The following SLC5A8 variants were observed in gnomAD, a reference collection of about 807,000 sequenced individuals.
SLC5A8 encodes the protein solute carrier family 5 member 8.
In SLC5A8, 55 loss-of-function variants were observed where a neutral mutation model predicts 71.9. The observed-to-expected ratio is 0.77, with a 90% CI of 0.62 to 0.96. The LOEUF (loss-of-function observed/expected upper bound fraction) is 0.96. SLC5A8 is among the 40% of genes least tolerant of loss of function. The pLI, the probability that SLC5A8 is intolerant of heterozygous loss-of-function variation, is 0.00. For missense variants in SLC5A8, 701 were observed against 745.3 expected, an observed-to-expected ratio of 0.94 and a Z score of 0.69; for synonymous variants, 307 against 276.1, an observed-to-expected ratio of 1.11 and a Z score of -1.11.
intron 10 of SLC5A8, among the ~76,000 whole-genome samples, chr12:101,174,042 A>C (rs1369559980): frequency 7.2e-5 from 11 of 152,218 alleles, no homozygotes; most frequent in Non-Finnish European, 1.6e-4. Flanking sequence ...AGTATGTAGA[A>C]GGCAGCAACA....
intron 9 of SLC5A8, among the ~76,000 whole-genome samples, chr12:101,181,874 T>C (rs2671434): frequency 0.95 from 145,309 of 152,296 alleles, 69,383 homozygotes; most frequent in East Asian, 1. Flanking sequence ...AGGACTCATT[T>C]CAGGCTACAG....
chr12:101,171,725 A>G (rs933138566), intron 10 of SLC5A8, among the ~76,000 whole-genome samples: 1 of 152,204 alleles, frequency 6.6e-6, no homozygotes, highest in African/African-American at 2.4e-5. Flanking sequence ...GTGGCAGGCC[A>G]ATGAAGGCAT....
At chr12:101,200,054 AGG>A (rs1349458292) in intron 3 of SLC5A8, among the ~76,000 whole-genome samples, 31 of 69,250 alleles carry the variant, frequency 4.5e-4, no homozygotes, top group East Asian at 1.0e-3. Flanking sequence ...AAAAAAAAAA[AGG>A]GAATGAACTA....
intron 8 of SLC5A8, among the ~76,000 whole-genome samples, chr12:101,183,313 G>A (rs2137146319): frequency 6.6e-6 from 1 of 152,168 alleles, no homozygotes. Flanking sequence ...CCAAAGTGCT[G>A]GGATTACAGG....
chr12:101,155,893 A>G lies in SLC5A8; in HGVS notation c.*1386T>C, dbSNP rs1038172661. 4 of 151,884 alleles carry G rather than the reference A, an allele frequency of 2.6e-5. No homozygotes were observed. The highest frequency in any genetic ancestry group is 9.7e-5 in the African/African-American group (4 of 41,360). 9.4% of individuals were successfully genotyped at this position (151,884 alleles called of 1,614,324 possible). A position where few individuals can be genotyped will look rare whatever the true frequency, so the allele number is the denominator to read the frequency against. ...AAATAACACGTATCAGAAAATAAGCATAAAATTATTTAATCATAAAAACAT... is the reference window on the plus strand; with the variant it reads ...AAATAACACGTATCAGAAAATAAGCGTAAAATTATTTAATCATAAAAACAT... On this transcript the variant is annotated 3_prime_UTR_variant, in exon 15 of 15. Transcript: ENST00000536262.
intron 1 of SLC5A8, among the ~76,000 whole-genome samples, chr12:101,205,563 G>C (rs926629464): frequency 6.6e-6 from 1 of 152,184 alleles, no homozygotes; most frequent in African/African-American, 2.4e-5. Context: ...TAGAAAAGAA[G>C]AGGAAGGAAA....
intron 3 of SLC5A8, among the ~76,000 whole-genome samples, chr12:101,201,871 C>T (rs935929878): frequency 5.9e-5 from 9 of 152,294 alleles, no homozygotes; most frequent in African/African-American, 2.2e-4. Flanking sequence ...TCAATCCTGA[C>T]TTTGGCTACA....
chr12:101,208,623 CA>C (rs574628035), intron 1 of SLC5A8, among the ~76,000 whole-genome samples: 150 of 152,252 alleles, frequency 9.9e-4, no homozygotes, highest in Admixed American at 1.7e-3. Context: ...AACCTATAGC[CA>C]GGGGACCTGT....
intron 5 of SLC5A8, among the ~76,000 whole-genome samples, chr12:101,191,477 T>G (rs1868907718): frequency 6.6e-6 from 1 of 152,340 alleles, no homozygotes; most frequent in Admixed American, 6.5e-5. Context: ...TATGGAAATG[T>G]GAGAGCCTCT....
At chr12:101,159,598 G>A (rs1049810938) in intron 13 of SLC5A8, among the ~76,000 whole-genome samples, 5 of 152,208 alleles carry the variant, frequency 3.3e-5, no homozygotes, top group African/African-American at 1.2e-4. Context: ...CTTCTGTGAA[G>A]TAGGAATAAG....
chr12:101,163,840 C>T (rs1668085555), intron 12 of SLC5A8, among the ~76,000 whole-genome samples: 1 of 152,112 alleles, frequency 6.6e-6, no homozygotes, highest in African/African-American at 2.4e-5. Flanking sequence ...TGGTTAACAT[C>T]GTTTTCATCG....
chr12:101,174,649 T>C (rs554397839), intron 10 of SLC5A8, among the ~76,000 whole-genome samples: 2 of 152,304 alleles, frequency 1.3e-5, no homozygotes, highest in East Asian at 3.9e-4. Flanking sequence ...AATTCCTACA[T>C]GACATGTAGT....
At chr12:101,166,855 A>T (rs2051776966) in intron 11 of SLC5A8, among the ~76,000 whole-genome samples, 156 bp from the exon 12 acceptor site, 1 of 152,238 alleles carries the variant, frequency 6.6e-6, no homozygotes, top group South Asian at 2.1e-4. Flanking sequence ...TGCTCAGCCC[A>T]TAAAAATCTA....
chr12:101,179,229 G>A (rs2051909389), intron 10 of SLC5A8, among the ~76,000 whole-genome samples: 1 of 152,158 alleles, frequency 6.6e-6, no homozygotes. Context: ...ACATGCTCTG[G>A]AAAATAGTTT....
At chr12:101,202,964 A>G (rs1204113376) in intron 2 of SLC5A8, among the ~76,000 whole-genome samples, 2 of 152,250 alleles carry the variant, frequency 1.3e-5, no homozygotes, top group Non-Finnish European at 2.9e-5. Flanking sequence ...ATTATATTAC[A>G]TGAGTAGAGC....
rs1390435607 is a variant in SLC5A8 at position 101,158,282 on chromosome 12, C to G, written c.1677G>C (p.Glu559Asp). 2 of 1,592,978 alleles carry G rather than the reference C, an allele frequency of 1.3e-6. No individual in the cohort carries two copies. Among genetic ancestry groups the G allele is most frequent in the African/African-American group, 2.7e-5 (2 of 73,716 alleles). ...NLDPRYILTK[E>D]DFLSNFDIFK... Reference sequence around the variant, plus strand: ...AAATATCAAAATTGGATAAAAAGTCCTCTTTGGTTAGTATGTATCTGGGGT... The same window carrying G: ...AAATATCAAAATTGGATAAAAAGTCGTCTTTGGTTAGTATGTATCTGGGGT... The change falls in exon 14 of 15, where the codon GAG becomes GAC. Residue 559 changes from glutamate (E) to aspartate (D), a missense_variant. Coordinates refer to ENST00000536262, the MANE Select transcript of SLC5A8 (RefSeq NM_145913.5).
intron 3 of SLC5A8, among the ~76,000 whole-genome samples, chr12:101,197,872 G>A (rs957938173): frequency 6.6e-6 from 1 of 151,904 alleles, no homozygotes; most frequent in Admixed American, 6.6e-5. Flanking sequence ...CATCCAAAAA[G>A]CACACAATAT....
At chr12:101,163,540 G>T (rs1383242748) in intron 12 of SLC5A8, among the ~76,000 whole-genome samples, 1 of 152,172 alleles carries the variant, frequency 6.6e-6, no homozygotes, top group Non-Finnish European at 1.5e-5. Context: ...TTGGCCAGGT[G>T]TGGTGGCACA....
At chr12:101,164,599 G>T (rs987803276) in intron 12 of SLC5A8, among the ~76,000 whole-genome samples, 17 of 152,064 alleles carry the variant, frequency 1.1e-4, no homozygotes, top group African/African-American at 4.1e-4. Context: ...TCATGCTTTT[G>T]CACCGGTCGT....
Sources: gnomAD v4.1 joint callset for allele counts (sites outside exome capture counted in the v4.1 genomes callset) on GRCh38, gnomAD v4.1.1 for gene constraint, MANE v1.5 for transcripts, NCBI Gene and HGNC (gene_info 2026-07-23, HGNC 2026-07-21) for gene names.